KCTD16: variants seen among roughly 807,000 people sequenced by gnomAD.
KCTD16 encodes the protein BTB/POZ domain-containing protein KCTD16.
KCTD16 carries 13 observed loss-of-function variants against 33.2 expected under a neutral mutation model. The observed-to-expected ratio is 0.39, with a 90% CI of 0.25 to 0.62. KCTD16 has a LOEUF of 0.62. Among genes scored for constraint, KCTD16 ranks in the 20% least tolerant of loss-of-function variants. The probability of loss-of-function intolerance (pLI) is 0.50; values close to 1 mark genes in which losing one functional copy is unlikely to be tolerated. For missense variants in KCTD16, 441 were observed against 525.1 expected, an observed-to-expected ratio of 0.84 and a Z score of 1.57; for synonymous variants, 197 against 195.3, an observed-to-expected ratio of 1.01 and a Z score of -0.07.
chr5:144,406,562 T>A (rs948893456), intron 3 of KCTD16, among the ~76,000 whole-genome samples: 2 of 152,228 alleles, frequency 1.3e-5, no homozygotes, highest in Non-Finnish European at 2.9e-5. Flanking sequence ...TCCCCTTCCT[T>A]ATTATTCTGT....
chr5:144,182,758 GAGAA>G (rs542559607), intron 2 of KCTD16, among the ~76,000 whole-genome samples: 106 of 151,694 alleles, frequency 7.0e-4, no homozygotes, highest in African/African-American at 2.5e-3. Flanking sequence ...GAGAGAGAGA[GAGAA>G]AGAGAGAGAG....
At chr5:144,391,171 G>A (rs1258415128) in intron 3 of KCTD16, among the ~76,000 whole-genome samples, 1 of 152,144 alleles carries the variant, frequency 6.6e-6, no homozygotes, top group Non-Finnish European at 1.5e-5. Context: ...TACAGTAGGT[G>A]TGCAAAATAT....
intron 3 of KCTD16, among the ~76,000 whole-genome samples, chr5:144,312,454 C>T (rs1320883311): frequency 1.3e-5 from 2 of 152,174 alleles, no homozygotes; most frequent in South Asian, 2.1e-4. Flanking sequence ...TATAGAAATT[C>T]TGGAGCTGCC....
At chr5:144,433,804 C>T (rs909773071) in intron 3 of KCTD16, among the ~76,000 whole-genome samples, 3 of 152,128 alleles carry the variant, frequency 2.0e-5, no homozygotes, top group African/African-American at 7.2e-5. Flanking sequence ...TTTTTCTGCT[C>T]TAAATACTAC....
At position 144,475,438 on chromosome 5, in the gene KCTD16, A is replaced by G. The variant is rs906288140; in HGVS notation, c.*1324A>G. 3.9e-5 allele frequency: 6 copies of G among 152,474 alleles called. No individual in the cohort carries two copies. Among genetic ancestry groups the G allele is most frequent in the Admixed American group, 2.6e-4 (4 of 15,284 alleles). The allele number at this position is 152,474 out of a possible 1,614,324, so 9.4% of individuals were successfully genotyped here. On this transcript the variant is annotated 3_prime_UTR_variant, in exon 4 of 4. Transcript: ENST00000512467. Reference sequence around the variant, plus strand: ...TTTCTAAATGAAACTATCTTTTTCAATTACATCCTGACTTGTATAGACACA... The same window carrying G: ...TTTCTAAATGAAACTATCTTTTTCAGTTACATCCTGACTTGTATAGACACA...
intron 3 of KCTD16, among the ~76,000 whole-genome samples, chr5:144,269,496 T>G (rs1490656764): frequency 6.6e-6 from 1 of 152,062 alleles, no homozygotes; most frequent in Non-Finnish European, 1.5e-5. Flanking sequence ...GGCAAAACTG[T>G]CCTTCAAAAG....
chr5:144,431,686 A>G (rs1019622880), intron 3 of KCTD16, among the ~76,000 whole-genome samples: 1 of 152,210 alleles, frequency 6.6e-6, no homozygotes, highest in African/African-American at 2.4e-5. Context: ...TGGTTCCAGC[A>G]GCATAGTTTA....
intron 3 of KCTD16, among the ~76,000 whole-genome samples, chr5:144,348,942 G>A (rs1752877264): frequency 6.6e-6 from 1 of 152,080 alleles, no homozygotes; most frequent in Admixed American, 6.6e-5. Flanking sequence ...AGGTTCAGGG[G>A]GCTAAAGAAA....
intron 3 of KCTD16, among the ~76,000 whole-genome samples, chr5:144,271,605 G>A (rs1456200526): frequency 6.6e-6 from 1 of 152,076 alleles, no homozygotes; most frequent in Non-Finnish European, 1.5e-5. Flanking sequence ...AAGAATACCT[G>A]CTTTCTTCAC....
intron 3 of KCTD16, among the ~76,000 whole-genome samples, chr5:144,339,847 C>T (rs1752583465): frequency 6.6e-6 from 1 of 152,174 alleles, no homozygotes; most frequent in Admixed American, 6.5e-5. Context: ...TTAATTAAAA[C>T]ACATTTGTGA....
At chr5:144,460,188 T>G (rs1180836689) in intron 3 of KCTD16, among the ~76,000 whole-genome samples, 2 of 152,160 alleles carry the variant, frequency 1.3e-5, no homozygotes, top group East Asian at 3.9e-4. Flanking sequence ...AAGTCCTCTT[T>G]CTTTTCCTTG....
intron 3 of KCTD16, among the ~76,000 whole-genome samples, chr5:144,385,088 T>C (rs1483930801): frequency 2.6e-5 from 4 of 152,198 alleles, no homozygotes; most frequent in Non-Finnish European, 5.9e-5. Flanking sequence ...ATCAGCAAAG[T>C]CATAAATCAT....
chr5:144,262,064 A>G (rs2126839925), intron 3 of KCTD16, among the ~76,000 whole-genome samples: 1 of 152,314 alleles, frequency 6.6e-6, no homozygotes, highest in Admixed American at 6.5e-5. Flanking sequence ...GAAAGACAAT[A>G]AAAAGAAATA....
Position 144,475,145 on chromosome 5 carries a change from G to A in KCTD16, c.*1031G>A, listed in dbSNP as rs1021671524. The A allele has an allele frequency of 1.3e-5, 2 of 152,124 alleles. No individual in the cohort carries two copies. The highest frequency in any genetic ancestry group is 4.8e-5 in the African/African-American group (2 of 41,414). The allele number at this position is 152,124 out of a possible 1,614,324, so 9.4% of individuals were successfully genotyped here. ...ACATTAAGTTCTGTGTTCCTGTGTTGTTGTGGAACTAAGGACAACACACAG... is the reference window on the plus strand; with the variant it reads ...ACATTAAGTTCTGTGTTCCTGTGTTATTGTGGAACTAAGGACAACACACAG... On this transcript the variant is annotated 3_prime_UTR_variant, in exon 4 of 4. Transcript: ENST00000512467.
chr5:144,180,282 T>C lies in KCTD16; in HGVS notation c.-327+5810T>C, dbSNP rs894901142. On this transcript the variant is annotated intron_variant, in intron 2 of 3. Transcript: ENST00000512467. The stretch of plus-strand genomic sequence containing the variant: ...ATTAGACACTGAGGGATAGCATACT[T>C]TGAGAACTTTTTATTTTGTTCAGGG... Among the ~76,000 whole-genome samples, 5 of 152,126 alleles carry C rather than the reference T, an allele frequency of 3.3e-5. 1 individual carries two copies. The highest frequency in any genetic ancestry group is 2.6e-4 in the Admixed American group (4 of 15,270).
intron 3 of KCTD16, among the ~76,000 whole-genome samples, chr5:144,270,558 T>G (rs1755264918): frequency 6.6e-6 from 1 of 151,696 alleles, no homozygotes; most frequent in Non-Finnish European, 1.5e-5. Context: ...GCTATAAAAT[T>G]TTACAGCTAT....
intron 3 of KCTD16, among the ~76,000 whole-genome samples, chr5:144,437,364 A>T (rs983410632): frequency 1.3e-5 from 2 of 152,136 alleles, no homozygotes; most frequent in Non-Finnish European, 2.9e-5. Flanking sequence ...GCAGTAATGG[A>T]TGGGTTAATA....
At chr5:144,269,555 G>A (rs1580834074) in intron 3 of KCTD16, among the ~76,000 whole-genome samples, 3 of 152,124 alleles carry the variant, frequency 2.0e-5, no homozygotes, top group Admixed American at 2.0e-4. Flanking sequence ...AAAAGGTGAG[G>A]AAATTTTTAC....
At chr5:144,370,421 T>C (rs1216783941) in intron 3 of KCTD16, among the ~76,000 whole-genome samples, 1 of 152,190 alleles carries the variant, frequency 6.6e-6, no homozygotes, top group Non-Finnish European at 1.5e-5. Context: ...AAGCAGACTG[T>C]GCACTGAGAG....
Sources: gnomAD v4.1 joint callset for allele counts (sites outside exome capture counted in the v4.1 genomes callset) on GRCh38, gnomAD v4.1.1 for gene constraint, MANE v1.5 for transcripts, NCBI Gene and HGNC (gene_info 2026-07-23, HGNC 2026-07-21) for gene names.